Variants in CPZ observed in about 807,000 individuals in gnomAD.
CPZ encodes the protein VEZT/CPZ fusion.
CPZ carries 103 observed loss-of-function variants against 61.8 expected under a neutral mutation model. The ratio of observed to expected loss-of-function variants is 1.67; its 90% confidence interval spans 1.42 to 1.96. The LOEUF (loss-of-function observed/expected upper bound fraction) is 1.96. Ranked by LOEUF, CPZ falls within the 30% of genes most tolerant of loss-of-function variation. CPZ has a pLI of 0.00. For synonymous variants in CPZ, 551 were observed against 373.7 expected, an observed-to-expected ratio of 1.47 and a Z score of -5.47; for missense variants, 1,461 against 914.9, an observed-to-expected ratio of 1.60 and a Z score of -7.70.
chr4:8,609,063 CCTCA>C lies in CPZ; in HGVS notation c.1227+1644_1227+1647del, dbSNP rs1553877585. On this transcript the variant is annotated intron_variant, in intron 7 of 10. Coordinates refer to ENST00000360986, the MANE Select transcript of CPZ (RefSeq NM_001014447.3). ...CATTCACTCCCTCCCTCCCTCACTC[CCTCA>C]CTCACCACTCATACATTCACCCATT... 3.1e-3 allele frequency among the ~76,000 whole-genome samples: 415 copies of C among 134,922 alleles called. 2 individuals are homozygous for C. The highest frequency in any genetic ancestry group is 0.019 in the Middle Eastern group (5 of 262). The allele number at this position is 134,922 out of a possible 152,430, so 88.5% of individuals were successfully genotyped here.
chr4:8,609,221 T>C (rs4696860), intron 7 of CPZ, among the ~76,000 whole-genome samples: 1,101 of 14,790 alleles, frequency 0.074, 16 homozygotes, highest in African/African-American at 0.16. Flanking sequence ...CTCATTCACT[T>C]ACTCACTCAT....
chr4:8,600,902 G>C, intron 2 of CPZ: 1 of 1,274,660 alleles, frequency 7.8e-7, no homozygotes, highest in Non-Finnish European at 9.9e-7. Context: ...CGGCTGGCTT[G>C]CTGGTGGGTA....
rs1038176126 is a variant in CPZ, at chr4:8,599,671, G to C, written c.121+186G>C. ...AATTAGACATAACAAAAAAAGACCA[G>C]CTAGGAAAAGGTGCACCAGCTTCCC... On this transcript the variant is annotated intron_variant, in intron 2 of 10. Transcript: ENST00000360986. 3 of 1,425,626 alleles carry C rather than the reference G, an allele frequency of 2.1e-6. No individual in the cohort carries two copies. The African/African-American group carries it at 4.3e-5, about 21-fold the overall frequency. The allele number at this position is 1,425,626 out of a possible 1,614,324, so 88.3% of individuals were successfully genotyped here.
intron 2 of CPZ, 48 bp downstream of exon 2, chr4:8,599,533 G>A: frequency 6.2e-7 from 1 of 1,609,032 alleles, no homozygotes; most frequent in Non-Finnish European, 8.5e-7. Flanking sequence ...GAGGGCTGCA[G>A]CCCCCACACT....
Position 8,606,104 on chromosome 4 carries a change from C to T in CPZ, c.825C>T (p.Arg275=), listed in dbSNP as rs768369331. 5.6e-6 allele frequency: 9 copies of T among 1,614,070 alleles called. No homozygotes were observed. Among genetic ancestry groups the T allele is most frequent in the African/African-American group, 5.3e-5 (4 of 74,928 alleles). The change falls in exon 5 of 11, where the codon CGC becomes CGT. Residue 275 remains arginine, a synonymous_variant. Transcript: ENST00000360986. ...LCSEYLLGNP[R]IQRLLNTTRI... ...CTGAGTACCTGCTTGGTAACCCCCG[C>T]ATCCAGCGCCTGCTCAACACCACCC...
chr4:8,593,440 C>G (rs1414614723), intron 1 of CPZ, among the ~76,000 whole-genome samples: 1 of 152,162 alleles, frequency 6.6e-6, no homozygotes, highest in African/African-American at 2.4e-5. Context: ...ATCTGGGGCC[C>G]GGAGAGGGAA....
At position 8,612,011 on chromosome 4, in the gene CPZ, C is replaced by T. The variant is rs775040080; in HGVS notation, c.1228-16C>T. ...CAGGGGACCCTTTCCTTATCTGAGCCAGGTTTCTTTTCCAGATGTTCAAGC... is the reference window on the plus strand; with the variant it reads ...CAGGGGACCCTTTCCTTATCTGAGCTAGGTTTCTTTTCCAGATGTTCAAGC... On this transcript the variant is annotated splice_polypyrimidine_tract_variant and intron_variant, in intron 7 of 10. Transcript: ENST00000360986. 1.2e-6 allele frequency: 2 copies of T among 1,613,830 alleles called. No individual in the cohort carries two copies. The highest frequency in any genetic ancestry group is 1.7e-4 in the Middle Eastern group (1 of 6,058).
chr4:8,612,936 G>A (rs1200326035), intron 8 of CPZ, among the ~76,000 whole-genome samples: 1 of 152,226 alleles, frequency 6.6e-6, no homozygotes, highest in Non-Finnish European at 1.5e-5. Flanking sequence ...TGCACACTCT[G>A]AAGCCATCTT....
At chr4:8,611,926 A>G in intron 7 of CPZ, 101 bp from the exon 8 acceptor site, 1 of 1,522,792 alleles carries the variant, frequency 6.6e-7, no homozygotes, top group Non-Finnish European at 9.0e-7. Flanking sequence ...CCTATCTGCA[A>G]TGCAGGTGTT....
intron 7 of CPZ, 68 bp downstream of exon 7, chr4:8,607,493 C>T (rs1715140732): frequency 1.9e-6 from 3 of 1,548,340 alleles, no homozygotes; most frequent in South Asian, 1.2e-5. Context: ...AGCTGGTGCC[C>T]CTCCAGTCCT....
chr4:8,615,688 G>C (rs576127396), intron 9 of CPZ, among the ~76,000 whole-genome samples: 2 of 152,178 alleles, frequency 1.3e-5, no homozygotes, highest in Non-Finnish European at 2.9e-5. Flanking sequence ...CAATGTCTGC[G>C]AGCCAGCCAG....
Position 8,618,473 on chromosome 4 carries a change from G to C in CPZ, c.1548G>C (p.Lys516Asn). 3.1e-6 allele frequency: 5 copies of C among 1,614,084 alleles called. No homozygotes were observed. Among genetic ancestry groups the C allele is most frequent in the Non-Finnish European group, 4.2e-6 (5 of 1,180,022 alleles). Reference sequence around the variant, plus strand: ...GTGTGGTGACAGATAAATTCGGCAAGCCAGTCAAAAACGCCCGGATCTCAG... The same window carrying C: ...GTGTGGTGACAGATAAATTCGGCAACCCAGTCAAAAACGCCCGGATCTCAG... ...IKGVVTDKFG[K>N]PVKNARISVK... Residue 516 changes from lysine to asparagine, a missense_variant, in exon 10 of 11, where the codon AAG becomes AAC. Transcript: ENST00000360986.
Position 8,619,663 on chromosome 4 carries a change from C to A in CPZ, c.*46C>A. 7.2e-7 allele frequency: 1 copy of A among 1,382,980 alleles called. No individual in the cohort carries two copies. The highest frequency in any genetic ancestry group is 9.6e-7 in the Non-Finnish European group (1 of 1,046,994). 85.7% of individuals were successfully genotyped at this position (1,382,980 alleles called of 1,614,324 possible). On this transcript the variant is annotated 3_prime_UTR_variant, in exon 11 of 11. Transcript: ENST00000360986. ...AGGATGTGGAGACCGAGGCCCATCT[C>A]CGCATCCCGGGCTCCTGGCTCTTGA...
At chr4:8,596,240 C>T (rs573534606) in intron 1 of CPZ, among the ~76,000 whole-genome samples, 12 of 152,186 alleles carry the variant, frequency 7.9e-5, no homozygotes, top group African/African-American at 2.2e-4. Flanking sequence ...TTAGTAGAGA[C>T]GGGGTTTCAC....
chr4:8,609,221 T>TATTC (rs1553877687), intron 7 of CPZ, among the ~76,000 whole-genome samples: 3 of 14,890 alleles, frequency 2.0e-4, no homozygotes, highest in Non-Finnish European at 4.9e-4. Context: ...CTCATTCACT[T>TATTC]ACTCACTCAT....
chr4:8,615,858 AG>A (rs1184354446), intron 9 of CPZ, among the ~76,000 whole-genome samples: 2 of 152,322 alleles, frequency 1.3e-5, no homozygotes, highest in African/African-American at 4.8e-5. Context: ...GCAGCCGCTG[AG>A]ATAGGAAAGA....
At chr4:8,609,209 T>G (rs1016018294) in intron 7 of CPZ, among the ~76,000 whole-genome samples, 4 of 43,464 alleles carry the variant, frequency 9.2e-5, no homozygotes, top group African/African-American at 2.3e-4. Context: ...CTCACTCACT[T>G]ACTCATTCAC....
chr4:8,611,423 A>G (rs991744033), intron 7 of CPZ, among the ~76,000 whole-genome samples: 2 of 152,138 alleles, frequency 1.3e-5, no homozygotes, highest in Admixed American at 1.3e-4. Context: ...CAAACATGTC[A>G]AGGGTGGCAG....
intron 7 of CPZ, among the ~76,000 whole-genome samples, chr4:8,610,856 G>C (rs571157396): frequency 6.6e-6 from 1 of 152,274 alleles, no homozygotes; most frequent in Admixed American, 6.5e-5. Context: ...AGATGGCACA[G>C]CCTCACTTCT....
Sources: gnomAD v4.1 joint callset for allele counts (sites outside exome capture counted in the v4.1 genomes callset) on GRCh38, gnomAD v4.1.1 for gene constraint, MANE v1.5 for transcripts, NCBI Gene and HGNC (gene_info 2026-07-23, HGNC 2026-07-21) for gene names.